CUBN: variants seen among roughly 807,000 people sequenced by gnomAD.
The protein encoded by CUBN is 460 kDa receptor.
In CUBN, 282 loss-of-function variants were observed where a neutral mutation model predicts 405.3. The observed-to-expected ratio is 0.70, with a 90% CI of 0.63 to 0.77. CUBN has a LOEUF of 0.77. Among genes scored for constraint, CUBN ranks in the 30% least tolerant of loss-of-function variants. The pLI, the probability that CUBN is intolerant of heterozygous loss-of-function variation, is 0.00. For missense variants in CUBN, 4,514 were observed against 4,475.2 expected, an observed-to-expected ratio of 1.01 and a Z score of -0.25; for synonymous variants, 1,684 against 1,617.0, an observed-to-expected ratio of 1.04 and a Z score of -0.99.
chr10:16,872,841 G>A (rs1020786793), intron 58 of CUBN, among the ~76,000 whole-genome samples: 3 of 152,200 alleles, frequency 2.0e-5, no homozygotes, highest in African/African-American at 7.2e-5. Context: ...CTGGCCATCT[G>A]ACAGTTTCTG....
At chr10:16,984,814 T>A (rs1833372029) in intron 29 of CUBN, among the ~76,000 whole-genome samples, 6 of 152,258 alleles carry the variant, frequency 3.9e-5, no homozygotes, top group Admixed American at 3.9e-4. Context: ...CCCTGCAAAC[T>A]GAATGTTTTC....
chr10:17,067,697 G>A (rs560715852), intron 21 of CUBN, among the ~76,000 whole-genome samples: 2 of 152,128 alleles, frequency 1.3e-5, no homozygotes, highest in Non-Finnish European at 2.9e-5. Context: ...CATTCAGTAC[G>A]TATAGTATGA....
intron 27 of CUBN, among the ~76,000 whole-genome samples, chr10:17,026,503 TAC>T (rs1834667181): frequency 1.3e-5 from 2 of 151,810 alleles, no homozygotes; most frequent in Non-Finnish European, 2.9e-5. Flanking sequence ...TGTGGTGGCG[TAC>T]GCCTGTAGTC....
chr10:16,832,376 C>T (rs1839032795), intron 64 of CUBN, among the ~76,000 whole-genome samples: 1 of 152,168 alleles, frequency 6.6e-6, no homozygotes, highest in Non-Finnish European at 1.5e-5. Flanking sequence ...AAAGTTAAGA[C>T]ATCTTGCTGG....
chr10:17,039,920 T>G (rs573582047), intron 27 of CUBN, among the ~76,000 whole-genome samples: 41 of 152,224 alleles, frequency 2.7e-4, no homozygotes, highest in African/African-American at 9.6e-4. Flanking sequence ...TCTCTCAAAG[T>G]GCAGAATGCT....
At chr10:17,120,354 T>C (rs556649091) in intron 6 of CUBN, among the ~76,000 whole-genome samples, 3 of 152,292 alleles carry the variant, frequency 2.0e-5, no homozygotes, top group South Asian at 2.1e-4. Context: ...GTGTAGATAA[T>C]GAAATGGAAT....
At chr10:16,862,903 C>A (rs1840059830) in intron 59 of CUBN, among the ~76,000 whole-genome samples, 3 of 152,208 alleles carry the variant, frequency 2.0e-5, no homozygotes. Context: ...ACCATTAACT[C>A]AATTTTATCA....
intron 31 of CUBN, among the ~76,000 whole-genome samples, chr10:16,966,598 A>C (rs1266980931): frequency 6.6e-6 from 1 of 152,030 alleles, no homozygotes; most frequent in Non-Finnish European, 1.5e-5. Context: ...ACAGGCATGC[A>C]CCAGTACACC....
At chr10:16,993,275 C>A (rs997822331) in intron 28 of CUBN, among the ~76,000 whole-genome samples, 2 of 152,176 alleles carry the variant, frequency 1.3e-5, no homozygotes, top group Admixed American at 6.6e-5. Flanking sequence ...TTAGATAGCT[C>A]ATTTCTGCAT....
intron 7 of CUBN, among the ~76,000 whole-genome samples, chr10:17,115,004 G>A (rs910125946): frequency 3.3e-5 from 5 of 152,144 alleles, no homozygotes; most frequent in Non-Finnish European, 5.9e-5. Context: ...AGCGCTTTGC[G>A]GGGCTGAGGC....
At chr10:16,904,993 T>C (rs1186768054) in intron 50 of CUBN, among the ~76,000 whole-genome samples, 2 of 152,152 alleles carry the variant, frequency 1.3e-5, no homozygotes, top group Admixed American at 1.3e-4. Flanking sequence ...GGGTACAGGC[T>C]CTATCAAATT....
chr10:17,093,872 T>G (rs139784889), intron 14 of CUBN, among the ~76,000 whole-genome samples: 9 of 151,536 alleles, frequency 5.9e-5, no homozygotes, highest in African/African-American at 2.2e-4. Context: ...CCAAATGGAA[T>G]CAAAGCAAAA....
At chr10:16,974,696 G>A (rs1833041015) in intron 31 of CUBN, among the ~76,000 whole-genome samples, 1 of 152,032 alleles carries the variant, frequency 6.6e-6, no homozygotes, top group Non-Finnish European at 1.5e-5. Context: ...AACAACAGAG[G>A]TTTGAACTGC....
intron 27 of CUBN, among the ~76,000 whole-genome samples, chr10:17,038,849 G>A (rs1352382426): frequency 6.6e-6 from 1 of 152,122 alleles, no homozygotes; most frequent in Non-Finnish European, 1.5e-5. Context: ...CTGAACTTCT[G>A]GTTCTCATTT....
chr10:17,070,387 T>C (rs1375219116), intron 19 of CUBN, among the ~76,000 whole-genome samples: 1 of 152,172 alleles, frequency 6.6e-6, no homozygotes, highest in Non-Finnish European at 1.5e-5. Context: ...GATCAGCTTA[T>C]GTATTTTTTT....
intron 43 of CUBN, 43 bp from the exon 44 acceptor site, chr10:16,920,180 G>A (rs190757042): frequency 2.5e-6 from 4 of 1,595,840 alleles, no homozygotes; most frequent in Admixed American, 3.4e-5. Context: ...TCTGGTGAAG[G>A]GGATGCAGTC....
In CUBN at chr10:16,990,499, C is replaced by T. The variant is rs1411111517; in HGVS notation, c.4185G>A (p.Leu1395=). The part of the protein sequence containing the change: ...QWFVYGCGGE[L]SGATGSFSSP... ...TGCTGAAGGAGCCTGTGGCCCCAGA[C>T]AGCTCTCCACCACAACCTGTTAAAA... is the stretch of plus-strand genomic sequence containing the variant. Residue 1395 remains leucine, a synonymous_variant, in exon 29 of 67, where the codon CTG becomes CTA. Transcript: ENST00000377833. 1 of 1,614,174 alleles carries T rather than the reference C, an allele frequency of 6.2e-7. No homozygotes were observed. The highest frequency in any genetic ancestry group is 1.3e-5 in the African/African-American group (1 of 75,040).
intron 22 of CUBN, among the ~76,000 whole-genome samples, chr10:17,051,661 C>T (rs897930192): frequency 4.6e-5 from 7 of 151,652 alleles, no homozygotes; most frequent in African/African-American, 1.7e-4. Context: ...CAAATTAAAA[C>T]TTCATGACAA....
At chr10:17,101,190 C>T (rs6602176) in intron 13 of CUBN, among the ~76,000 whole-genome samples, 144,540 of 152,276 alleles carry the variant, frequency 0.95, 68,610 homozygotes, top group Middle Eastern at 0.96. Context: ...CAAATGTTCA[C>T]TAATTGAACT....
Sources: allele counts gnomAD v4.1 joint callset (sites outside exome capture counted in the v4.1 genomes callset), GRCh38; gene constraint gnomAD v4.1.1; transcripts MANE v1.5; gene names NCBI Gene and HGNC (gene_info 2026-07-23, HGNC 2026-07-21).